Variants in ANKRD31 observed in about 807,000 individuals in gnomAD.
ANKRD31 encodes the protein ankyrin repeat domain-containing protein 31.
A neutral mutation model predicts 186.0 loss-of-function variants in ANKRD31; 147 were observed. The observed-to-expected ratio is 0.79, with a 90% CI of 0.69 to 0.91. ANKRD31 has a LOEUF of 0.91. Among genes scored for constraint, ANKRD31 ranks in the 40% least tolerant of loss-of-function variants. The pLI is 0.00. For synonymous variants in ANKRD31, 673 were observed against 736.4 expected (o/e 0.91, Z 1.39); for missense variants, 1,986 against 2,148.8 (o/e 0.92, Z 1.50).
chr5:75,084,192 AC>A, intron 24 of ANKRD31, 79 bp downstream of exon 24: 2 of 1,042,556 alleles, frequency 1.9e-6, no homozygotes, highest in South Asian at 2.9e-5. Context: ...GAGAAAAAAG[AC>A]AAAATAAAAT....
chr5:75,114,407 G>C (rs1393323654), intron 19 of ANKRD31, among the ~76,000 whole-genome samples: 1 of 152,134 alleles, frequency 6.6e-6, no homozygotes, highest in Non-Finnish European at 1.5e-5. Flanking sequence ...ATTCAAAGCA[G>C]ATAATTAAGA....
intron 20 of ANKRD31, 61 bp from the exon 21 acceptor site, chr5:75,107,678 T>C (rs1747440866): frequency 1.0e-6 from 1 of 981,674 alleles, no homozygotes; most frequent in Non-Finnish European, 1.5e-6. Flanking sequence ...AATTTGGTCA[T>C]ACGAGAATTA....
At chr5:75,215,768 T>C (rs1460885366) in intron 3 of ANKRD31, among the ~76,000 whole-genome samples, 1 of 152,046 alleles carries the variant, frequency 6.6e-6, no homozygotes, top group African/African-American at 2.4e-5. Flanking sequence ...GAAACCTGTT[T>C]CATAATTATT....
At position 75,137,891 on chromosome 5, in the gene ANKRD31, G is replaced by T; in HGVS notation, c.3841C>A (p.Pro1281Thr). Reference sequence around the variant, plus strand: ...TTGTTTGCAACAGCATCATGTAAGGGCAGAATTCCATCTATATTTTCACAA... The same window carrying T: ...TTGTTTGCAACAGCATCATGTAAGGTCAGAATTCCATCTATATTTTCACAA... ...VNCENIDGIL[P>T]LHDAVANNHL... is the part of the protein sequence containing the mutation. The change falls in exon 17 of 26, where the codon CCC becomes ACC. Residue 1281 changes from proline (P) to threonine (T), a missense_variant. Pro to Thr is a conservative substitution (Grantham distance 38). Coordinates refer to ENST00000506364, the MANE Select transcript of ANKRD31 (RefSeq NM_001372053.1). 1 of 1,532,564 alleles carries T rather than the reference G, an allele frequency of 6.5e-7. No homozygotes were observed. The highest frequency in any genetic ancestry group is 8.7e-7 in the Non-Finnish European group (1 of 1,144,658). 94.9% of individuals were successfully genotyped at this position (1,532,564 alleles called of 1,614,324 possible).
At chr5:75,106,570 T>G (rs1167232819) in intron 21 of ANKRD31, among the ~76,000 whole-genome samples, 2 of 152,022 alleles carry the variant, frequency 1.3e-5, no homozygotes, top group Non-Finnish European at 2.9e-5. Flanking sequence ...CACACCAAGA[T>G]GTGAAGTCTC....
At chr5:75,232,526 T>C (rs1269311456) in intron 1 of ANKRD31, among the ~76,000 whole-genome samples, 1 of 151,954 alleles carries the variant, frequency 6.6e-6, no homozygotes, top group Non-Finnish European at 1.5e-5. Context: ...AATGCTGGGA[T>C]TACAGCTGTG....
intron 1 of ANKRD31, among the ~76,000 whole-genome samples, chr5:75,232,868 G>A (rs1473113136): frequency 6.6e-6 from 1 of 151,986 alleles, no homozygotes; most frequent in Non-Finnish European, 1.5e-5. Context: ...TGTAAAAGAT[G>A]CCCTCCCTGT....
chr5:75,188,795 T>G, intron 9 of ANKRD31, 147 bp from the exon 10 acceptor site: 3 of 651,104 alleles, frequency 4.6e-6, no homozygotes, highest in Non-Finnish European at 7.4e-6. Context: ...TGAAGTATAT[T>G]ATGAGAATAT....
Position 75,143,060 on chromosome 5 carries a change from G to C in ANKRD31, c.3595+941C>G, listed in dbSNP as rs574192385. Among the ~76,000 whole-genome samples the C allele has an allele frequency of 2.6e-5, 4 of 152,250 alleles. No homozygotes were observed. In the South Asian group the frequency reaches 8.3e-4, roughly 32 times the overall value. Reference sequence around the variant, plus strand: ...TACTCCCTCTGGAAGCTCTAGGAGAGAATATTTCTGTGCCTCTTCTAGCTT... The same window carrying C: ...TACTCCCTCTGGAAGCTCTAGGAGACAATATTTCTGTGCCTCTTCTAGCTT... On this transcript the variant is annotated intron_variant, in intron 15 of 25. Transcript: ENST00000506364.
intron 15 of ANKRD31, among the ~76,000 whole-genome samples, chr5:75,143,070 G>C (rs535305744): frequency 6.6e-6 from 1 of 152,252 alleles, no homozygotes; most frequent in South Asian, 2.1e-4. Context: ...GAATATTTCT[G>C]TGCCTCTTCT....
At chr5:75,135,914 G>A (rs1001441688) in intron 17 of ANKRD31, among the ~76,000 whole-genome samples, 11 of 152,130 alleles carry the variant, frequency 7.2e-5, no homozygotes, top group African/African-American at 1.9e-4. Flanking sequence ...CAAGAAATGC[G>A]GAAAGGATTC....
intron 24 of ANKRD31, among the ~76,000 whole-genome samples, chr5:75,082,473 T>C (rs1745157539): frequency 6.6e-6 from 1 of 152,080 alleles, no homozygotes; most frequent in African/African-American, 2.4e-5. Flanking sequence ...CATAGGAGGG[T>C]AATATAACTG....
intron 24 of ANKRD31, 92 bp downstream of exon 24, chr5:75,084,180 A>G (rs886181396): frequency 1.1e-6 from 1 of 911,988 alleles, no homozygotes; most frequent in Non-Finnish European, 1.7e-6. Context: ...TTTCACATCA[A>G]TGAGAAAAAA....
At chr5:75,214,295 C>A (rs1756829413) in intron 3 of ANKRD31, among the ~76,000 whole-genome samples, 1 of 152,158 alleles carries the variant, frequency 6.6e-6, no homozygotes, top group African/African-American at 2.4e-5. Context: ...CCATTTTCAT[C>A]CTACTTCTTC....
In ANKRD31 at chr5:75,104,259, G is replaced by C. The variant is rs1223277322; in HGVS notation, c.5300C>G (p.Pro1767Arg). Reference protein sequence around the residue: ...KDLILLGRINPGNNILEFKTQ... With the variant: ...KDLILLGRINRGNNILEFKTQ... ...TTTGAATTCCAGAATGTTATTTCCT[G>C]GGTTAATTCTTCCTAGTAATATCAA... The change falls in exon 22 of 26, where the codon CCA becomes CGA. Residue 1767 changes from proline to arginine, a missense_variant. Physicochemically the swap from Pro to Arg is moderately radical, Grantham distance 103. Coordinates refer to ENST00000506364, the MANE Select transcript of ANKRD31 (RefSeq NM_001372053.1). 9 of 1,522,174 alleles carry C rather than the reference G, an allele frequency of 5.9e-6. No homozygotes were observed. In the South Asian group the frequency reaches 1.1e-4, roughly 19 times the overall value. 94.3% of individuals were successfully genotyped at this position (1,522,174 alleles called of 1,614,324 possible).
intron 16 of ANKRD31, among the ~76,000 whole-genome samples, 172 bp from the exon 17 acceptor site, chr5:75,138,170 T>C (rs79592501): frequency 1.4e-3 from 213 of 152,316 alleles, no homozygotes; most frequent in African/African-American, 5.0e-3. Context: ...ATAATTTATG[T>C]TTAATTTTGG....
rs376452767 is a variant in ANKRD31, at chr5:75,144,098, C to A, written c.3498G>T (p.Thr1166=). The part of the protein sequence containing the change: ...IRNCEEIKEK[T]ESEIHMPTNS... ...TAGTAGGCATGTGAATTTCTGACTC[C>A]GTTTTTTCTTTTATCTCCTCACAAT... Residue 1166 remains threonine (T), a synonymous_variant, in exon 15 of 26, where the codon ACG becomes ACT. Transcript: ENST00000506364. 2.0e-5 allele frequency: 8 copies of A among 397,296 alleles called. No homozygotes were observed. The highest frequency in any genetic ancestry group is 1.1e-4 in the East Asian group (3 of 27,936). The allele number at this position is 397,296 out of a possible 1,614,324, so 24.6% of individuals were successfully genotyped here. A position where few individuals can be genotyped will look rare whatever the true frequency, so the allele number is the denominator to read the frequency against.
At chr5:75,118,694 G>T (rs1748501559) in intron 17 of ANKRD31, among the ~76,000 whole-genome samples, 1 of 152,154 alleles carries the variant, frequency 6.6e-6, no homozygotes, top group African/African-American at 2.4e-5. Flanking sequence ...TGTGACTGAA[G>T]AAATCAATTT....
At chr5:75,224,588 G>A (rs949044538) in intron 2 of ANKRD31, among the ~76,000 whole-genome samples, 1 of 151,362 alleles carries the variant, frequency 6.6e-6, no homozygotes, top group Non-Finnish European at 1.5e-5. Flanking sequence ...TAGGAAAATT[G>A]GTTAACCATT....
Sources: gnomAD v4.1 joint callset for allele counts (sites outside exome capture counted in the v4.1 genomes callset) on GRCh38, gnomAD v4.1.1 for gene constraint, MANE v1.5 for transcripts, NCBI Gene and HGNC (gene_info 2026-07-23, HGNC 2026-07-21) for gene names.